The following PLEKHM3 variants were observed in gnomAD, a reference collection of about 807,000 sequenced individuals.
PLEKHM3 encodes pleckstrin homology domain containing M3, also known as pleckstrin homology domain-containing family M member 3.
A neutral mutation model predicts 81.8 loss-of-function variants in PLEKHM3; 45 were observed. That is an observed-to-expected ratio of 0.55 (90% CI 0.43 to 0.71). PLEKHM3 has a LOEUF of 0.71. PLEKHM3 is among the 30% of genes least tolerant of loss of function. The pLI is 0.00. For missense variants in PLEKHM3, 788 were observed against 924.3 expected (o/e 0.85, Z 1.91); for synonymous variants, 352 against 356.4 (o/e 0.99, Z 0.14).
intron 1 of PLEKHM3, among the ~76,000 whole-genome samples, chr2:208,008,797 G>A (rs1312382737): frequency 6.6e-6 from 1 of 152,052 alleles, no homozygotes; most frequent in African/African-American, 2.4e-5. Context: ...TCCCTTCCTG[G>A]TCAAATAGGG....
intron 6 of PLEKHM3, among the ~76,000 whole-genome samples, chr2:207,892,749 A>G (rs1688100131): frequency 6.6e-6 from 1 of 152,200 alleles, no homozygotes; most frequent in East Asian, 1.9e-4. Context: ...ACCCAGAAGC[A>G]AGAAACTAGA....
intron 6 of PLEKHM3, chr2:207,901,147 A>C (rs1688413388): frequency 1.5e-6 from 1 of 658,076 alleles, no homozygotes; most frequent in South Asian, 1.7e-5. Flanking sequence ...AGGGCTCTCT[A>C]TCCACCACTC....
At chr2:207,973,543 A>G (rs961069962) in intron 3 of PLEKHM3, among the ~76,000 whole-genome samples, 1 of 152,218 alleles carries the variant, frequency 6.6e-6, no homozygotes, top group Non-Finnish European at 1.5e-5. Flanking sequence ...GTTTGAGACC[A>G]GCCTGACCAA....
intron 6 of PLEKHM3, among the ~76,000 whole-genome samples, chr2:207,865,801 A>AATATATAT: frequency 2.0e-4 from 5 of 25,290 alleles, no homozygotes; most frequent in East Asian, 1.1e-3. Context: ...AAAAAAAAAA[A>AATATATAT]AGATATATAT....
intron 7 of PLEKHM3, 28 bp from the exon 8 acceptor site, chr2:207,828,524 A>T (rs1470212890): frequency 6.2e-7 from 1 of 1,606,804 alleles, no homozygotes; most frequent in Non-Finnish European, 8.5e-7. Context: ...GGATATGATG[A>T]GCAAGACTGA....
chr2:207,967,061 G>A (rs887855224), intron 3 of PLEKHM3, among the ~76,000 whole-genome samples: 5 of 152,168 alleles, frequency 3.3e-5, no homozygotes, highest in African/African-American at 7.2e-5. Flanking sequence ...ATAGCTCACC[G>A]CAGCCTGGAA....
intron 7 of PLEKHM3, among the ~76,000 whole-genome samples, chr2:207,860,845 T>C (rs1340102508): frequency 6.6e-6 from 1 of 152,130 alleles, no homozygotes; most frequent in Non-Finnish European, 1.5e-5. Flanking sequence ...ACCTGAACAC[T>C]CTCTGTTACC....
In PLEKHM3 at chr2:208,001,084, G is replaced by T; in HGVS notation, c.556C>A (p.Pro186Thr). 1 of 1,571,220 alleles carries T rather than the reference G, an allele frequency of 6.4e-7. No homozygotes were observed. Among genetic ancestry groups the T allele is most frequent in the Non-Finnish European group, 8.6e-7 (1 of 1,157,924 alleles). ...PLLQGPHVTR[P>T]SFLLPSPNKI... ...TTTGGTGAGGGCAACAGAAAAGATG[G>T]CCTGGTGACATGCGGGCCTTGAAGC... Residue 186 changes from proline (P) to threonine (T), a missense_variant, in exon 2 of 8, where the codon CCA becomes ACA. Transcript: ENST00000427836.
chr2:207,987,483 A>G (rs1303356902), intron 2 of PLEKHM3, among the ~76,000 whole-genome samples: 1 of 152,178 alleles, frequency 6.6e-6, no homozygotes, highest in Non-Finnish European at 1.5e-5. Context: ...ATTTTCATTG[A>G]CTGCTATTGA....
At chr2:207,993,039 A>G (rs1049836065) in intron 2 of PLEKHM3, among the ~76,000 whole-genome samples, 2 of 152,206 alleles carry the variant, frequency 1.3e-5, no homozygotes, top group African/African-American at 4.8e-5. Flanking sequence ...ACAAAGTGAC[A>G]TGAAAAGATT....
At chr2:207,856,743 G>C (rs1185283631) in intron 7 of PLEKHM3, among the ~76,000 whole-genome samples, 1 of 152,134 alleles carries the variant, frequency 6.6e-6, no homozygotes, top group Non-Finnish European at 1.5e-5. Context: ...AGTTTTTAGT[G>C]ATTATGAATA....
intron 3 of PLEKHM3, among the ~76,000 whole-genome samples, chr2:207,971,061 C>A (rs907842164): frequency 2.6e-5 from 4 of 152,216 alleles, no homozygotes; most frequent in African/African-American, 7.2e-5. Context: ...GGGAACACTG[C>A]CCTACAGTGG....
chr2:207,929,258 GCA>G (rs1689507698), intron 5 of PLEKHM3, among the ~76,000 whole-genome samples: 1 of 152,180 alleles, frequency 6.6e-6, no homozygotes, highest in South Asian at 2.1e-4. Flanking sequence ...TGGCCATAAG[GCA>G]CAGTACATGG....
intron 1 of PLEKHM3, among the ~76,000 whole-genome samples, chr2:208,019,034 T>C (rs1318013253): frequency 6.6e-6 from 1 of 151,538 alleles, no homozygotes; most frequent in Non-Finnish European, 1.5e-5. Context: ...GTGTGGTGGC[T>C]CACACCTGTA....
At chr2:207,865,797 AAAAAAGATATATATATAT>A (rs1181623753) in intron 6 of PLEKHM3, among the ~76,000 whole-genome samples, 16 of 38,128 alleles carry the variant, frequency 4.2e-4, no homozygotes, top group African/African-American at 2.2e-3. Flanking sequence ...AAAAAAAAAA[AAAAAAGATATATATATAT>A]ATATATATAT....
chr2:207,932,881 G>A (rs1172256509), intron 4 of PLEKHM3, among the ~76,000 whole-genome samples: 1 of 152,156 alleles, frequency 6.6e-6, no homozygotes, highest in African/African-American at 2.4e-5. Context: ...ATAATTAAAT[G>A]TATGGCTATT....
At chr2:207,993,461 A>G (rs1323271925) in intron 2 of PLEKHM3, among the ~76,000 whole-genome samples, 1 of 151,692 alleles carries the variant, frequency 6.6e-6, no homozygotes, top group Non-Finnish European at 1.5e-5. Context: ...AAACATCATA[A>G]TTGAAAAAGC....
chr2:207,859,370 T>TC (rs1363625277), intron 7 of PLEKHM3, among the ~76,000 whole-genome samples: 1 of 151,956 alleles, frequency 6.6e-6, no homozygotes, highest in African/African-American at 2.4e-5. Context: ...ACTCCCAATC[T>TC]CAGGTGATCT....
intron 6 of PLEKHM3, among the ~76,000 whole-genome samples, chr2:207,861,585 G>A (rs1393171869): frequency 6.6e-6 from 1 of 152,228 alleles, no homozygotes; most frequent in East Asian, 1.9e-4. Context: ...GGTATAAGAG[G>A]AGTGTGGTAG....
Sources: gnomAD v4.1 joint callset for allele counts (sites outside exome capture counted in the v4.1 genomes callset) on GRCh38, gnomAD v4.1.1 for gene constraint, MANE v1.5 for transcripts, NCBI Gene and HGNC (gene_info 2026-07-23, HGNC 2026-07-21) for gene names.